Variants in MTHFD2L observed in about 807,000 individuals in gnomAD.
MTHFD2L encodes the protein bifunctional methylenetetrahydrofolate dehydrogenase/cyclohydrolase 2, mitochondrial.
A neutral mutation model predicts 34.9 loss-of-function variants in MTHFD2L; 29 were observed. The ratio of observed to expected loss-of-function variants is 0.83; its 90% confidence interval spans 0.62 to 1.13. The LOEUF (loss-of-function observed/expected upper bound fraction) is 1.13, where lower values mean the gene tolerates loss of function less well. Ranked by LOEUF, MTHFD2L falls within the 50% of genes most tolerant of loss-of-function variation. The probability of loss-of-function intolerance (pLI) is 0.00; values close to 1 mark genes in which losing one functional copy is unlikely to be tolerated. For missense variants in MTHFD2L, 481 were observed against 446.5 expected (o/e 1.08, Z -0.70); for synonymous variants, 167 against 155.7 (o/e 1.07, Z -0.54).
At chr4:74,242,450 G>T (rs1211712391) in intron 6 of MTHFD2L, among the ~76,000 whole-genome samples, 1 of 151,744 alleles carries the variant, frequency 6.6e-6, no homozygotes, top group East Asian at 1.9e-4. Flanking sequence ...AATATTTTTT[G>T]AGCATTTCTG....
At chr4:74,192,339 T>G (rs1167766957) in intron 3 of MTHFD2L, among the ~76,000 whole-genome samples, 1 of 152,144 alleles carries the variant, frequency 6.6e-6, no homozygotes, top group Non-Finnish European at 1.5e-5. Context: ...CAAACTAGAT[T>G]CTGTAGTTGT....
chr4:74,234,478 T>C (rs554945775), intron 6 of MTHFD2L, among the ~76,000 whole-genome samples: 1 of 152,220 alleles, frequency 6.6e-6, no homozygotes, highest in East Asian at 1.9e-4. Flanking sequence ...ATCCATTTTC[T>C]GTTGATGAAT....
chr4:74,218,622 C>G (rs201571319), intron 5 of MTHFD2L, among the ~76,000 whole-genome samples: 7 of 151,448 alleles, frequency 4.6e-5, no homozygotes, highest in African/African-American at 7.3e-5. Context: ...AAGCCCCCCC[C>G]CCACCACCAA....
chr4:74,260,784 A>G (rs1328218217), intron 6 of MTHFD2L, among the ~76,000 whole-genome samples: 1 of 152,160 alleles, frequency 6.6e-6, no homozygotes, highest in Non-Finnish European at 1.5e-5. Flanking sequence ...TACAAATATT[A>G]GCAAATTTAA....
At chr4:74,269,495 T>C (rs914808018) in intron 6 of MTHFD2L, among the ~76,000 whole-genome samples, 1 of 151,962 alleles carries the variant, frequency 6.6e-6, no homozygotes, top group Non-Finnish European at 1.5e-5. Flanking sequence ...CAGCAGGAAA[T>C]GTTTCTATAA....
chr4:74,281,324 C>A, intron 6 of MTHFD2L, 101 bp from the exon 7 acceptor site: 1 of 866,614 alleles, frequency 1.2e-6, no homozygotes, highest in Non-Finnish European at 1.7e-6. Flanking sequence ...ATTACACATA[C>A]GTGTGTGTGT....
chr4:74,293,763 A>T (rs907712881), intron 7 of MTHFD2L: 3 of 152,432 alleles, frequency 2.0e-5, no homozygotes, highest in African/African-American at 7.2e-5. Context: ...CTACAGTCCT[A>T]TGTCATTCAG....
chr4:74,191,989 G>T (rs1027693774), intron 3 of MTHFD2L, among the ~76,000 whole-genome samples: 1 of 151,982 alleles, frequency 6.6e-6, no homozygotes, highest in Non-Finnish European at 1.5e-5. Flanking sequence ...TATAAATTAG[G>T]GTTAATAGTA....
chr4:74,265,854 T>G (rs1745222748), intron 6 of MTHFD2L, among the ~76,000 whole-genome samples: 1 of 152,228 alleles, frequency 6.6e-6, no homozygotes, highest in South Asian at 2.1e-4. Context: ...AGCAATACTT[T>G]GTATGATGGG....
chr4:74,212,696 G>A (rs543526692), intron 5 of MTHFD2L, among the ~76,000 whole-genome samples: 1 of 152,298 alleles, frequency 6.6e-6, no homozygotes, highest in East Asian at 1.9e-4. Context: ...AAGTTTTGTA[G>A]ATGTCTATTA....
intron 1 of MTHFD2L, among the ~76,000 whole-genome samples, chr4:74,150,744 T>C (rs1723881877): frequency 6.6e-6 from 1 of 152,162 alleles, no homozygotes; most frequent in East Asian, 1.9e-4. Context: ...TGTAAAAAGA[T>C]ACAGGTATAC....
intron 1 of MTHFD2L, among the ~76,000 whole-genome samples, chr4:74,173,164 A>T (rs1728352114): frequency 6.6e-6 from 1 of 152,160 alleles, no homozygotes; most frequent in Non-Finnish European, 1.5e-5. Flanking sequence ...ACAGGGGCAG[A>T]AGGAAGAAGG....
chr4:74,213,322 G>T (rs1229155935), intron 5 of MTHFD2L, among the ~76,000 whole-genome samples: 5 of 152,136 alleles, frequency 3.3e-5, no homozygotes, highest in Non-Finnish European at 7.4e-5. Context: ...GTATGTTTTT[G>T]CAGTGGGTGA....
chr4:74,258,909 A>G lies in MTHFD2L; in HGVS notation c.806-22516A>G, dbSNP rs547332850. On this transcript the variant is annotated intron_variant, in intron 6 of 7. Coordinates refer to ENST00000325278, the MANE Select transcript of MTHFD2L (RefSeq NM_001144978.3). Reference sequence around the variant, plus strand: ...GTCTGTGAACCCAGTCCCCAGTAAAAAAAATAAATAAATAACTTGTGAAAA... The same window carrying G: ...GTCTGTGAACCCAGTCCCCAGTAAAGAAAATAAATAAATAACTTGTGAAAA... 5.3e-5 allele frequency among the ~76,000 whole-genome samples: 8 copies of G among 152,286 alleles called. No individual in the cohort carries two copies. In the East Asian group the frequency reaches 1.3e-3, roughly 26 times the overall value.
intron 6 of MTHFD2L, among the ~76,000 whole-genome samples, chr4:74,259,362 G>C (rs1744410264): frequency 6.6e-6 from 1 of 152,142 alleles, no homozygotes; most frequent in Non-Finnish European, 1.5e-5. Context: ...TCTCAGCACA[G>C]GGTAAAGGTT....
chr4:74,187,733 TACACACACAC>T lies in MTHFD2L; in HGVS notation c.452-12032_452-12023del, dbSNP rs35175417. Among the ~76,000 whole-genome samples the T allele has an allele frequency of 1.6e-3, 210 of 134,284 alleles. 1 individual carries two copies. The highest frequency in any genetic ancestry group is 1.4e-3 in the African/African-American group (50 of 34,684). The allele number at this position is 134,284 out of a possible 152,430, so 88.1% of individuals were successfully genotyped here. A position where few individuals can be genotyped will look rare whatever the true frequency, so the allele number is the denominator to read the frequency against. The stretch of plus-strand genomic sequence containing the variant: ...TTTGGCAGTATCTTAAAACGTTAAA[TACACACACAC>T]ACACACACACACACACACACACACA... On this transcript the variant is annotated intron_variant, in intron 3 of 7. Transcript: ENST00000325278.
intron 1 of MTHFD2L, among the ~76,000 whole-genome samples, chr4:74,172,710 T>TCTGC (rs1373812968): frequency 6.6e-6 from 1 of 152,180 alleles, no homozygotes; most frequent in Non-Finnish European, 1.5e-5. Context: ...GGTCTGGGAA[T>TCTGC]CTGCAATTTC....
chr4:74,184,392 A>G (rs1472344967), intron 3 of MTHFD2L, among the ~76,000 whole-genome samples: 1 of 152,224 alleles, frequency 6.6e-6, no homozygotes, highest in African/African-American at 2.4e-5. Flanking sequence ...ATATGAAAGT[A>G]TATTTCAGAG....
chr4:74,219,920 G>C (rs1334193973), intron 5 of MTHFD2L, among the ~76,000 whole-genome samples: 2 of 151,972 alleles, frequency 1.3e-5, no homozygotes, highest in African/African-American at 4.8e-5. Context: ...TACCTACAAG[G>C]GTTTTCCACG....
Sources: allele counts gnomAD v4.1 joint callset (sites outside exome capture counted in the v4.1 genomes callset), GRCh38; gene constraint gnomAD v4.1.1; transcripts MANE v1.5; gene names NCBI Gene and HGNC (gene_info 2026-07-23, HGNC 2026-07-21).